ESRP1: variants seen among roughly 807,000 people sequenced by gnomAD.
ESRP1 encodes epithelial splicing regulatory protein 1.
ESRP1 carries 33 observed loss-of-function variants against 81.7 expected under a neutral mutation model. The ratio of observed to expected loss-of-function variants is 0.40; its 90% CI spans 0.31 to 0.54. The LOEUF is 0.54. Among genes scored for constraint, ESRP1 ranks in the 20% least tolerant of loss-of-function variants. The probability of loss-of-function intolerance (pLI) is 0.41; values close to 1 mark genes in which losing one functional copy is unlikely to be tolerated. For synonymous variants in ESRP1, 320 were observed against 303.3 expected (o/e 1.06, Z -0.57); for missense variants, 672 against 833.1 (o/e 0.81, Z 2.38).
chr8:94,641,560 C>A, intron 1 of ESRP1, 110 bp downstream of exon 1: 1 of 1,467,498 alleles, frequency 6.8e-7, no homozygotes, highest in Admixed American at 1.7e-5. Context: ...CTTGTTTGCC[C>A]ACTTGTGAGT....
rs745891866 is a variant in ESRP1, at chr8:94,679,655, A to AT, written c.1820+1295dup. Reference sequence around the variant, plus strand: ...ATGTTGGATGTGGGCCTGTAGGTCAATTTTTTTTTTTCTACCAGTAGTTTT... The same window carrying AT: ...ATGTTGGATGTGGGCCTGTAGGTCAATTTTTTTTTTTTCTACCAGTAGTTTT... On this transcript the variant is annotated intron_variant, in intron 13 of 15. Coordinates refer to ENST00000433389, the MANE Select transcript of ESRP1 (RefSeq NM_017697.4). Among the ~76,000 whole-genome samples, 586 of 148,464 alleles carry AT rather than the reference A, an allele frequency of 3.9e-3. 3 individuals are homozygous for AT. Among genetic ancestry groups the AT allele is most frequent in the African/African-American group, 0.013 (521 of 40,680 alleles).
At chr8:94,689,024 G>A (rs1351200479) in intron 13 of ESRP1, among the ~76,000 whole-genome samples, 1 of 152,094 alleles carries the variant, frequency 6.6e-6, no homozygotes, top group Non-Finnish European at 1.5e-5. Context: ...GCCGAGGTGG[G>A]CAGATCACTT....
In ESRP1 at chr8:94,696,921, A is replaced by G. The variant is rs1809629185; in HGVS notation, c.2041A>G (p.Ile681Val). The stretch of plus-strand genomic sequence containing the variant: ...GACTCTACCCAAAGAATGGGTTTGT[A>G]TTTAAGGGCCCCAGCAGTTAGAACA... ...ARTLPKEWVC[I>V] Residue 681 changes from isoleucine to valine, a missense_variant, in exon 15 of 16, where the codon ATT (isoleucine) becomes GTT (valine). Coordinates refer to ENST00000433389, the MANE Select transcript of ESRP1 (RefSeq NM_017697.4). The G allele has an allele frequency of 6.9e-6, 11 of 1,586,698 alleles. No homozygotes were observed. The highest frequency in any genetic ancestry group is 9.4e-6 in the Non-Finnish European group (11 of 1,165,386).
At chr8:94,668,509 AG>A (rs915606133) in intron 10 of ESRP1, 13 of 283,294 alleles carry the variant, frequency 4.6e-5, no homozygotes, top group African/African-American at 2.6e-4. Flanking sequence ...AAACTATGAA[AG>A]CTTACCTATG....
At chr8:94,678,146 C>A in intron 12 of ESRP1, 57 bp from the exon 13 acceptor site, 4 of 1,554,282 alleles carry the variant, frequency 2.6e-6, no homozygotes, top group Non-Finnish European at 3.5e-6. Context: ...TTAGTGCTAG[C>A]ACGTGCATGT....
At chr8:94,665,253 A>G in intron 9 of ESRP1, 57 bp downstream of exon 9, 1 of 1,547,922 alleles carries the variant, frequency 6.5e-7, no homozygotes, top group Non-Finnish European at 8.8e-7. Context: ...AATTTTGCAT[A>G]CTTAAATTTA....
At position 94,705,921 on chromosome 8, in the gene ESRP1, T is replaced by C. The variant is rs918230389; in HGVS notation, c.*36-4T>C. The C allele has an allele frequency of 7.4e-5, 106 of 1,427,292 alleles. No homozygotes were observed. The highest frequency in any genetic ancestry group is 8.7e-5 in the Non-Finnish European group (95 of 1,088,918). 88.4% of individuals were successfully genotyped at this position (1,427,292 alleles called of 1,614,324 possible). ...TTATTCACTTTTTTTTTTTTTTTTT[T>C]CAGTGTTTGAAAGATGTATGGTGAT... On this transcript the variant is annotated splice_polypyrimidine_tract_variant and splice_region_variant and intron_variant, in intron 15 of 15. Transcript: ENST00000433389.
intron 4 of ESRP1, among the ~76,000 whole-genome samples, chr8:94,661,281 A>T (rs1226248095): frequency 2.0e-5 from 3 of 152,108 alleles, no homozygotes; most frequent in Non-Finnish European, 4.4e-5. Flanking sequence ...GTCTCAAGAG[A>T]TCCTCCCGCC....
Position 94,665,198 on chromosome 8 carries a change from T to C in ESRP1, c.931+2T>C. 6.2e-7 allele frequency: 1 copy of C among 1,612,076 alleles called. No individual in the cohort carries two copies. Among genetic ancestry groups the C allele is most frequent in the Non-Finnish European group, 8.5e-7 (1 of 1,179,082 alleles). On this transcript the variant is annotated splice_donor_variant, in intron 9 of 15. Transcript: ENST00000433389. LOFTEE classifies it high-confidence loss of function. ...AAGATTTCCTTAAAATTGCTGGTGGTAAGTGCCTTTTACATAATGTGGCTT... is the reference window on the plus strand; with the variant it reads ...AAGATTTCCTTAAAATTGCTGGTGGCAAGTGCCTTTTACATAATGTGGCTT...
At chr8:94,675,425 A>G (rs1184164019) in intron 12 of ESRP1, among the ~76,000 whole-genome samples, 1 of 152,186 alleles carries the variant, frequency 6.6e-6, no homozygotes, top group African/African-American at 2.4e-5. Flanking sequence ...TTGTTTGGTA[A>G]AGTATTATTT....
Position 94,660,709 on chromosome 8 carries a change from C to CAAAAAA in ESRP1, c.491-1534_491-1529dup, listed in dbSNP as rs60316449. 5.3e-4 allele frequency among the ~76,000 whole-genome samples: 23 copies of CAAAAAA among 43,542 alleles called. 1 individual carries two copies. The highest frequency in any genetic ancestry group is 1.3e-3 in the South Asian group (1 of 766). 28.6% of individuals were successfully genotyped at this position (43,542 alleles called of 152,430 possible). A position where few individuals can be genotyped will look rare whatever the true frequency, so the allele number is the denominator to read the frequency against. Reference sequence around the variant, plus strand: ...CCTGGGCAACAGAGCGAGACTATCTCAAAAAAAAAAAAAAAAAAAAAAAAA... The same window carrying CAAAAAA: ...CCTGGGCAACAGAGCGAGACTATCTCAAAAAAAAAAAAAAAAAAAAAAAAAAAAAAA... On this transcript the variant is annotated intron_variant, in intron 4 of 15. Transcript: ENST00000433389.
Position 94,642,097 on chromosome 8 carries a change from G to C in ESRP1, c.261+13G>C. The C allele has an allele frequency of 6.2e-7, 1 of 1,608,222 alleles. No homozygotes were observed. ...AGCCCTCCGACAGGTGACAACCCCG[G>C]GTCACGCCACCCACCCCAGCCTGGG... On this transcript the variant is annotated intron_variant, in intron 2 of 15. Coordinates refer to ENST00000433389, the MANE Select transcript of ESRP1 (RefSeq NM_017697.4).
chr8:94,691,812 A>T (rs912233707), intron 13 of ESRP1, among the ~76,000 whole-genome samples: 7 of 152,228 alleles, frequency 4.6e-5, no homozygotes, highest in African/African-American at 1.7e-4. Context: ...GATGACTTTT[A>T]AAAAATTCCC....
At chr8:94,650,926 C>G (rs973594932) in intron 4 of ESRP1, among the ~76,000 whole-genome samples, 13 of 152,072 alleles carry the variant, frequency 8.5e-5, no homozygotes, top group African/African-American at 2.9e-4. Flanking sequence ...AGGATGGTCT[C>G]GATCTCCTGA....
intron 1 of ESRP1, 148 bp downstream of exon 1, chr8:94,641,598 G>C: frequency 8.5e-7 from 1 of 1,176,304 alleles, no homozygotes; most frequent in Non-Finnish European, 1.2e-6. Flanking sequence ...GGAAGCTAGA[G>C]TAAAACCAAA....
intron 1 of ESRP1, 190 bp from the exon 2 acceptor site, chr8:94,641,766 C>A (rs1817605762): frequency 2.2e-5 from 20 of 897,968 alleles, no homozygotes; most frequent in Non-Finnish European, 3.1e-5. Context: ...CAGGGCTTTT[C>A]CGACCTATCG....
At chr8:94,656,552 C>G (rs1818436445) in intron 4 of ESRP1, among the ~76,000 whole-genome samples, 1 of 152,218 alleles carries the variant, frequency 6.6e-6, no homozygotes, top group South Asian at 2.1e-4. Flanking sequence ...AGTAACATCT[C>G]TATCACATGA....
chr8:94,674,100 A>G (rs1243857366), intron 11 of ESRP1, among the ~76,000 whole-genome samples: 1 of 152,196 alleles, frequency 6.6e-6, no homozygotes, highest in African/African-American at 2.4e-5. Context: ...TGAGCTCTCA[A>G]AACTGTTTCT....
intron 14 of ESRP1, among the ~76,000 whole-genome samples, chr8:94,696,095 C>T (rs184957100): frequency 3.3e-5 from 5 of 152,270 alleles, no homozygotes; most frequent in Admixed American, 3.3e-4. Context: ...CTCTTTGTGT[C>T]TTCCATACTT....
Sources: gnomAD v4.1 joint callset for allele counts (sites outside exome capture counted in the v4.1 genomes callset) on GRCh38, gnomAD v4.1.1 for gene constraint, MANE v1.5 for transcripts, NCBI Gene and HGNC (gene_info 2026-07-23, HGNC 2026-07-21) for gene names.